Variants in PRDM12 observed in about 807,000 individuals in gnomAD.
PRDM12 encodes PR domain zinc finger protein 12.
In PRDM12, 17 loss-of-function variants were observed where a neutral mutation model predicts 29.6. The observed-to-expected ratio is 0.57, with a 90% CI of 0.39 to 0.86. PRDM12 has a LOEUF of 0.86. Ranked by LOEUF, PRDM12 falls within the 40% of genes least tolerant of loss-of-function variation. The pLI is 0.00. For synonymous variants in PRDM12, 231 were observed against 225.8 expected (o/e 1.02, Z -0.21); for missense variants, 422 against 510.8 (o/e 0.83, Z 1.68).
chr9:130,670,953 C>T (rs141711457), intron 3 of PRDM12, among the ~76,000 whole-genome samples: 2 of 152,110 alleles, frequency 1.3e-5, no homozygotes, highest in South Asian at 2.1e-4. Flanking sequence ...AAATTCAGTC[C>T]GAAGGCAAGG....
intron 3 of PRDM12, among the ~76,000 whole-genome samples, chr9:130,677,987 T>G (rs1830858737): frequency 6.7e-6 from 1 of 149,836 alleles, no homozygotes; most frequent in East Asian, 2.0e-4. Context: ...ATCTGCCGTG[T>G]GCACAGAGAC....
Position 130,677,208 on chromosome 9 carries a change from A to C in PRDM12, c.571-1321A>C, listed in dbSNP as rs554404923. Among the ~76,000 whole-genome samples, 7 of 152,330 alleles carry C rather than the reference A, an allele frequency of 4.6e-5. No homozygotes were observed. In the South Asian group the frequency reaches 1.4e-3, roughly 32 times the overall value. ...CCAAAGTGCTAGGATTACAGGCATG[A>C]GCCACCACGCCCGACCTCCACTTTC... On this transcript the variant is annotated intron_variant, in intron 3 of 4. Transcript: ENST00000253008.
At chr9:130,678,694 A>C in intron 4 of PRDM12, 54 bp downstream of exon 4, 1 of 1,417,180 alleles carries the variant, frequency 7.1e-7, no homozygotes, top group Non-Finnish European at 9.8e-7. Context: ...AGGGGAGCCC[A>C]GGGAGGGGAG....
At chr9:130,675,653 C>A (rs999111104) in intron 3 of PRDM12, among the ~76,000 whole-genome samples, 6 of 152,210 alleles carry the variant, frequency 3.9e-5, no homozygotes, top group Non-Finnish European at 8.8e-5. Context: ...CCACTGCACC[C>A]CAAACACCAC....
rs75811716 is a variant in PRDM12, at chr9:130,665,120, C to A, written c.223+244C>A. 0.061 allele frequency among the ~76,000 whole-genome samples: 9,287 copies of A among 152,250 alleles called. 406 individuals carry two copies. The highest frequency in any genetic ancestry group is 0.17 in the East Asian group (892 of 5,162). ...CGGCGACCCCGTCGCTCGGCCCCGA[C>A]GCCCCCGCCGGCCCCTCCCTTCCCC... On this transcript the variant is annotated intron_variant, in intron 1 of 4. Coordinates refer to ENST00000253008, the MANE Select transcript of PRDM12 (RefSeq NM_021619.3).
intron 3 of PRDM12, among the ~76,000 whole-genome samples, chr9:130,676,365 G>A (rs955602261): frequency 5.9e-5 from 9 of 151,974 alleles, no homozygotes; most frequent in Admixed American, 1.3e-4. Flanking sequence ...GTGTGGTGGC[G>A]GGCACCTGTA....
chr9:130,677,653 C>T (rs1830855387), intron 3 of PRDM12, among the ~76,000 whole-genome samples: 1 of 152,232 alleles, frequency 6.6e-6, no homozygotes, highest in South Asian at 2.1e-4. Context: ...AGCTTCCCCA[C>T]TTGGGAGGGG....
At position 130,664,939 on chromosome 9, in the gene PRDM12, G is replaced by C; in HGVS notation, c.223+63G>C. On this transcript the variant is annotated intron_variant, in intron 1 of 4. Coordinates refer to ENST00000253008, the MANE Select transcript of PRDM12 (RefSeq NM_021619.3). The surrounding 1 kb of genome is among the most constrained non-coding windows in gnomAD (Gnocchi z 6.4). Reference sequence around the variant, plus strand: ...CCCGGCGACCCCCATTCCCGTCCTGGCGATGCGCGAGACGCGGCTGGGATA... The same window carrying C: ...CCCGGCGACCCCCATTCCCGTCCTGCCGATGCGCGAGACGCGGCTGGGATA... 7.0e-7 allele frequency: 1 copy of C among 1,432,098 alleles called. No individual in the cohort carries two copies. Among genetic ancestry groups the C allele is most frequent in the Non-Finnish European group, 9.3e-7 (1 of 1,075,174 alleles). 88.7% of individuals were successfully genotyped at this position (1,432,098 alleles called of 1,614,324 possible). A position where few individuals can be genotyped will look rare whatever the true frequency, so the allele number is the denominator to read the frequency against.
chr9:130,669,982 G>A (rs1157031965), intron 3 of PRDM12, among the ~76,000 whole-genome samples: 2 of 152,034 alleles, frequency 1.3e-5, no homozygotes, highest in Non-Finnish European at 2.9e-5. Flanking sequence ...CCAGGTATCT[G>A]GCCAGTGGCT....
At position 130,681,877 on chromosome 9, in the gene PRDM12, A is replaced by C; in HGVS notation, c.*208A>C. The stretch of plus-strand genomic sequence containing the variant: ...ACACTGAGGGCGGCGTCCCTCACCC[A>C]GGCCACGCAGCTGGTGCGGCTGTTC... On this transcript the variant is annotated 3_prime_UTR_variant, in exon 5 of 5. Coordinates refer to ENST00000253008, the MANE Select transcript of PRDM12 (RefSeq NM_021619.3). The surrounding 1 kb of genome is among the most constrained non-coding windows in gnomAD (Gnocchi z 8.1). 1 of 323,814 alleles carries C rather than the reference A, an allele frequency of 3.1e-6. No homozygotes were observed. Among genetic ancestry groups the C allele is most frequent in the Non-Finnish European group, 4.4e-6 (1 of 225,336 alleles). The allele number at this position is 323,814 out of a possible 1,614,324, so 20.1% of individuals were successfully genotyped here.
At chr9:130,675,867 G>T (rs922604580) in intron 3 of PRDM12, among the ~76,000 whole-genome samples, 2 of 152,160 alleles carry the variant, frequency 1.3e-5, no homozygotes, top group East Asian at 3.9e-4. Context: ...AACGTGTCCG[G>T]TTTCATCCAA....
At chr9:130,674,181 A>G (rs558824292) in intron 3 of PRDM12, among the ~76,000 whole-genome samples, 1 of 151,072 alleles carries the variant, frequency 6.6e-6, no homozygotes, top group Admixed American at 6.6e-5. Flanking sequence ...TACCCAGCTA[A>G]TTTTTGTATT....
rs1028129950 is a variant in PRDM12, at chr9:130,678,582, C to T, written c.624C>T (p.Thr208=). 1 of 1,613,694 alleles carries T rather than the reference C, an allele frequency of 6.2e-7. No homozygotes were observed. Among genetic ancestry groups the T allele is most frequent in the South Asian group, 1.1e-5 (1 of 91,070 alleles). The change falls in exon 4 of 5, where the codon ACC becomes ACT. Residue 208 remains threonine (T), a synonymous_variant. Transcript: ENST00000253008. ...TGTGGTACGGAAACTCACACAACAC[C>T]TTCCTGGGGATCCCAGGTGTGCCCG... is the stretch of plus-strand genomic sequence containing the variant. The part of the protein sequence containing the change: ...LLVWYGNSHN[T]FLGIPGVPGL...
Position 130,668,422 on chromosome 9 carries a change from A to C in PRDM12, c.570+109A>C. 3.9e-6 allele frequency: 6 copies of C among 1,532,958 alleles called. No homozygotes were observed. Among genetic ancestry groups the C allele is most frequent in the Non-Finnish European group, 5.3e-6 (6 of 1,125,042 alleles). 95.0% of individuals were successfully genotyped at this position (1,532,958 alleles called of 1,614,324 possible). On this transcript the variant is annotated intron_variant, in intron 3 of 4. Coordinates refer to ENST00000253008, the MANE Select transcript of PRDM12 (RefSeq NM_021619.3). The surrounding 1 kb of genome is among the most constrained non-coding windows in gnomAD (Gnocchi z 4.0). ...AACCACAGTGGACAGAGGGGAGCTG[A>C]CACTGGCCTCGCTGGCTCTGCGCAG...
At chr9:130,666,018 C>A (rs1344361108) in intron 1 of PRDM12, among the ~76,000 whole-genome samples, 1 of 152,176 alleles carries the variant, frequency 6.6e-6, no homozygotes, top group Non-Finnish European at 1.5e-5. Context: ...GGGACTCGGG[C>A]GCGCCCGGGG....
intron 1 of PRDM12, among the ~76,000 whole-genome samples, chr9:130,665,180 C>T (rs2132587127): frequency 6.6e-6 from 1 of 152,310 alleles, no homozygotes. Context: ...CCGGCATTTA[C>T]AGCCTTACTA....
intron 3 of PRDM12, among the ~76,000 whole-genome samples, chr9:130,674,041 GT>G (rs1830813925): frequency 1.0e-5 from 1 of 96,180 alleles, no homozygotes; most frequent in Admixed American, 1.6e-4. Flanking sequence ...TTGAGACAGA[GT>G]CTTGCTCTGT....
Position 130,681,078 on chromosome 9 carries a change from G to A in PRDM12, c.683-170G>A, listed in dbSNP as rs1247145543. Among the ~76,000 whole-genome samples the A allele has an allele frequency of 1.3e-5, 2 of 152,090 alleles. No individual in the cohort carries two copies. Among genetic ancestry groups the A allele is most frequent in the Admixed American group, 6.5e-5 (1 of 15,274 alleles). On this transcript the variant is annotated intron_variant, in intron 4 of 4. Transcript: ENST00000253008. The surrounding 1 kb of genome is among the most constrained non-coding windows in gnomAD (Gnocchi z 8.1). ...GGACCCCCCAGCCGGGGTACCCTTC[G>A]CTGTCCCTCCAGTCCGTCTGCCACC...
chr9:130,677,710 C>T (rs1830855903), intron 3 of PRDM12, among the ~76,000 whole-genome samples: 1 of 152,212 alleles, frequency 6.6e-6, no homozygotes, highest in Non-Finnish European at 1.5e-5. Context: ...CTTGGGATGT[C>T]CCGGAGTGTG....
Sources: allele counts gnomAD v4.1 joint callset (sites outside exome capture counted in the v4.1 genomes callset), GRCh38; gene constraint gnomAD v4.1.1; non-coding constraint Gnocchi (gnomAD v3.1); transcripts MANE v1.5; gene names NCBI Gene and HGNC (gene_info 2026-07-23, HGNC 2026-07-21).